EPHX2: variants seen among roughly 807,000 people sequenced by gnomAD.
The protein encoded by EPHX2 is epoxide hydrolase 2, also known as bifunctional epoxide hydrolase 2.
EPHX2 carries 74 observed loss-of-function variants against 78.7 expected under a neutral mutation model. The ratio of observed to expected loss-of-function variants is 0.94; its 90% CI spans 0.78 to 1.14. The LOEUF is 1.14. EPHX2 is among the 50% of genes most tolerant of loss of function. EPHX2 has a pLI of 0.00. For synonymous variants in EPHX2, 251 were observed against 255.2 expected (o/e 0.98, Z 0.16); for missense variants, 715 against 702.5 (o/e 1.02, Z -0.20).
chr8:27,531,402 A>G (rs564900967), intron 12 of EPHX2, among the ~76,000 whole-genome samples: 77 of 152,248 alleles, frequency 5.1e-4, no homozygotes, highest in Middle Eastern at 3.4e-3. Flanking sequence ...GACCAGCCAC[A>G]CTGCAGAGTC....
chr8:27,541,303 G>T (rs1034761963), intron 15 of EPHX2, among the ~76,000 whole-genome samples, 170 bp from the exon 16 acceptor site: 2 of 152,220 alleles, frequency 1.3e-5, no homozygotes, highest in African/African-American at 4.8e-5. Flanking sequence ...CTAGAGCTTG[G>T]CAACTGCGCC....
At chr8:27,517,108 C>T (rs1814485410) in intron 8 of EPHX2, among the ~76,000 whole-genome samples, 2 of 151,894 alleles carry the variant, frequency 1.3e-5, no homozygotes, top group Admixed American at 6.6e-5. Context: ...TTAGTAGAGA[C>T]CCACTTTGCT....
chr8:27,545,730 G>A (rs1032604451), downstream of EPHX2, among the ~76,000 whole-genome samples: 1 of 152,146 alleles, frequency 6.6e-6, no homozygotes, highest in African/African-American at 2.4e-5. Context: ...ACAGATGCAC[G>A]CACAATGGCC....
intron 14 of EPHX2, chr8:27,538,947 G>T (rs980869928): frequency 3.9e-6 from 2 of 510,476 alleles, no homozygotes; most frequent in East Asian, 3.3e-5. Context: ...CTTAGAGCTT[G>T]TCCAGGGCAA....
At chr8:27,525,215 C>A in intron 11 of EPHX2, 147 bp from the exon 12 acceptor site, 1 of 665,910 alleles carries the variant, frequency 1.5e-6, no homozygotes, top group Non-Finnish European at 2.6e-6. Context: ...GAGTTCTGAT[C>A]CCATTCTCCC....
At chr8:27,519,687 C>T (rs990787608) in intron 9 of EPHX2, among the ~76,000 whole-genome samples, 3 of 152,186 alleles carry the variant, frequency 2.0e-5, no homozygotes, top group Non-Finnish European at 4.4e-5. Context: ...CGTAACAAAG[C>T]GCCACAGACT....
intron 9 of EPHX2, among the ~76,000 whole-genome samples, chr8:27,520,006 CTT>C (rs552549981): frequency 5.0e-5 from 7 of 141,186 alleles, no homozygotes; most frequent in Non-Finnish European, 6.2e-5. Flanking sequence ...CTTTTCTTTT[CTT>C]TTTTTTTTTT....
chr8:27,526,154 A>G (rs1239670321), intron 12 of EPHX2, among the ~76,000 whole-genome samples: 1 of 152,220 alleles, frequency 6.6e-6, no homozygotes. Context: ...CAGGAATGTG[A>G]GAGCGTCTCC....
rs117415581 is a variant in EPHX2 at position 27,491,910 on chromosome 8, G to A, written c.101+601G>A. 4.6e-3 allele frequency among the ~76,000 whole-genome samples: 705 copies of A among 151,880 alleles called. 3 individuals carry two copies. Among genetic ancestry groups the A allele is most frequent in the Admixed American group, 9.0e-3 (137 of 15,258 alleles). On this transcript the variant is annotated intron_variant, in intron 1 of 18. Transcript: ENST00000521400. The stretch of plus-strand genomic sequence containing the variant: ...GGCCAAAGTACATCAAATGAGATTA[G>A]GAATAATGTAATGATTTTCTTTCTC...
intron 13 of EPHX2, among the ~76,000 whole-genome samples, chr8:27,538,374 G>A (rs2132795292): frequency 6.6e-6 from 1 of 152,248 alleles, no homozygotes; most frequent in East Asian, 1.9e-4. Context: ...GATAAACCTA[G>A]GTCTTCATAT....
intron 11 of EPHX2, among the ~76,000 whole-genome samples, chr8:27,523,737 A>G (rs1814729142): frequency 6.6e-6 from 1 of 152,182 alleles, no homozygotes; most frequent in Admixed American, 6.5e-5. Flanking sequence ...TTGTGGGTAC[A>G]TAGCATATTC....
At chr8:27,531,488 AC>A (rs1815040409) in intron 12 of EPHX2, among the ~76,000 whole-genome samples, 3 of 152,040 alleles carry the variant, frequency 2.0e-5, no homozygotes, top group African/African-American at 7.3e-5. Flanking sequence ...AGGGACAACC[AC>A]CCCACTGTTT....
downstream of EPHX2, among the ~76,000 whole-genome samples, chr8:27,546,496 A>G (rs1815579032): frequency 6.6e-6 from 1 of 152,330 alleles, no homozygotes; most frequent in Non-Finnish European, 1.5e-5. Flanking sequence ...AAAGGCAATC[A>G]TGAGGACTGG....
intron 12 of EPHX2, among the ~76,000 whole-genome samples, 162 bp downstream of exon 12, chr8:27,525,635 C>T (rs978058256): frequency 6.6e-6 from 1 of 152,184 alleles, no homozygotes; most frequent in African/African-American, 2.4e-5. Flanking sequence ...CCATGCCCAG[C>T]TGATCCTTCC....
intron 15 of EPHX2, 76 bp from the exon 16 acceptor site, chr8:27,541,397 G>A: frequency 6.9e-7 from 1 of 1,458,038 alleles, no homozygotes; most frequent in South Asian, 1.1e-5. Context: ...GCTGTGCAGA[G>A]CAGGTTTCTG....
At position 27,545,336 on chromosome 8, in the gene EPHX2, C is replaced by G. The variant is rs1815551755; in HGVS notation, c.*814C>G. The stretch of plus-strand genomic sequence containing the variant: ...CCTCTGCCCCCTCCTCCCTATCTTC[C>G]CCTCTACCCTCTCCTGCCTCCTGTC... On this transcript the variant is annotated 3_prime_UTR_variant, in exon 19 of 19. Coordinates refer to ENST00000521400, the MANE Select transcript of EPHX2 (RefSeq NM_001979.6). 2 of 152,412 alleles carry G rather than the reference C, an allele frequency of 1.3e-5. No individual in the cohort carries two copies. The highest frequency in any genetic ancestry group is 4.8e-5 in the African/African-American group (2 of 41,406). The allele number at this position is 152,412 out of a possible 1,614,324, so 9.4% of individuals were successfully genotyped here. A position where few individuals can be genotyped will look rare whatever the true frequency, so the allele number is the denominator to read the frequency against.
chr8:27,496,744 T>A (rs1218136032), intron 1 of EPHX2, among the ~76,000 whole-genome samples: 1 of 152,208 alleles, frequency 6.6e-6, no homozygotes, highest in African/African-American at 2.4e-5. Context: ...TAAGGGATAT[T>A]GCCTTTGATA....
At chr8:27,493,437 G>T (rs979763043) in intron 1 of EPHX2, among the ~76,000 whole-genome samples, 2 of 152,324 alleles carry the variant, frequency 1.3e-5, no homozygotes, top group Non-Finnish European at 2.9e-5. Flanking sequence ...TAGTCTATTT[G>T]GGATTGTAGA....
chr8:27,514,056 G>A (rs1814352473), intron 6 of EPHX2, among the ~76,000 whole-genome samples: 1 of 152,188 alleles, frequency 6.6e-6, no homozygotes, highest in Admixed American at 6.5e-5. Flanking sequence ...GGTGGCTCAT[G>A]CCTGTAATCC....
Sources: allele counts gnomAD v4.1 joint callset (sites outside exome capture counted in the v4.1 genomes callset), GRCh38; gene constraint gnomAD v4.1.1; transcripts MANE v1.5; gene names NCBI Gene and HGNC (gene_info 2026-07-23, HGNC 2026-07-21).